The following TBC1D1 variants were observed in gnomAD, a reference collection of about 807,000 sequenced individuals.
TBC1D1 encodes the protein TBC1 domain family member 1.
A neutral mutation model predicts 125.6 loss-of-function variants in TBC1D1; 89 were observed. The ratio of observed to expected loss-of-function variants is 0.71; its 90% CI spans 0.60 to 0.85. The LOEUF (loss-of-function observed/expected upper bound fraction) is 0.85. TBC1D1 is among the 40% of genes least tolerant of loss of function. The pLI is 0.00. For missense variants in TBC1D1, 1,377 were observed against 1,469.2 expected (o/e 0.94, Z 1.03); for synonymous variants, 565 against 564.1 (o/e 1.00, Z -0.02).
chr4:37,920,640 G>A (rs1327248677), intron 2 of TBC1D1, among the ~76,000 whole-genome samples: 1 of 152,154 alleles, frequency 6.6e-6, no homozygotes, highest in East Asian at 1.9e-4. Flanking sequence ...CCATGCAGGT[G>A]GAGCATACAC....
chr4:38,133,907 C>A (rs181021085), intron 19 of TBC1D1, among the ~76,000 whole-genome samples: 2 of 152,176 alleles, frequency 1.3e-5, no homozygotes, highest in African/African-American at 2.4e-5. Flanking sequence ...GCATCACCCC[C>A]ACCCCCACAT....
chr4:38,035,165 A>G (rs1356470536), intron 7 of TBC1D1, among the ~76,000 whole-genome samples: 1 of 152,232 alleles, frequency 6.6e-6, no homozygotes, highest in East Asian at 1.9e-4. Context: ...CACGGTGAAC[A>G]CATTCGACAT....
intron 1 of TBC1D1, among the ~76,000 whole-genome samples, chr4:37,897,800 C>T (rs1249598774): frequency 6.6e-6 from 1 of 152,164 alleles, no homozygotes; most frequent in East Asian, 1.9e-4. Context: ...GAAACAGATT[C>T]TGTTACAGGA....
At chr4:37,897,107 T>C (rs1714808404) in intron 1 of TBC1D1, among the ~76,000 whole-genome samples, 1 of 152,162 alleles carries the variant, frequency 6.6e-6, no homozygotes, top group Non-Finnish European at 1.5e-5. Flanking sequence ...CCTTGGAATA[T>C]GAGGTTCTAT....
intron 16 of TBC1D1, among the ~76,000 whole-genome samples, chr4:38,116,752 T>C (rs1226046118): frequency 6.6e-6 from 1 of 152,234 alleles, no homozygotes; most frequent in Non-Finnish European, 1.5e-5. Flanking sequence ...CTCTGGATCC[T>C]GCTTCAGGAA....
intron 9 of TBC1D1, 114 bp downstream of exon 9, chr4:38,044,604 C>G (rs181943000): frequency 8.8e-7 from 1 of 1,139,614 alleles, no homozygotes; most frequent in African/African-American, 1.6e-5. Context: ...AGTATAAAAC[C>G]TTTTTTTATG....
At chr4:37,981,479 A>G (rs184062909) in intron 2 of TBC1D1, among the ~76,000 whole-genome samples, 1 of 152,256 alleles carries the variant, frequency 6.6e-6, no homozygotes, top group African/African-American at 2.4e-5. Flanking sequence ...TTTTCATGGA[A>G]TTCTAGATGG....
At chr4:37,954,769 A>G (rs1578026394) in intron 2 of TBC1D1, among the ~76,000 whole-genome samples, 1 of 148,360 alleles carries the variant, frequency 6.7e-6, no homozygotes, top group Non-Finnish European at 1.5e-5. Context: ...AGGCGGGGTG[A>G]TTCACTGAAA....
chr4:38,117,899 A>C, intron 16 of TBC1D1, 134 bp from the exon 19 acceptor site: 2 of 805,946 alleles, frequency 2.5e-6, no homozygotes, highest in South Asian at 3.3e-5. Context: ...AGCTGAGCTC[A>C]GTGGATCGCA....
At chr4:38,108,226 T>C (rs1344603) in intron 15 of TBC1D1, among the ~76,000 whole-genome samples, 115,438 of 152,054 alleles carry the variant, frequency 0.76, 44,568 homozygotes, top group African/African-American at 0.89. Flanking sequence ...GGGAAACTCC[T>C]GAGGGACCCC....
Position 38,014,939 on chromosome 4 carries a change from C to T in TBC1D1, c.848C>T (p.Thr283Ile). 1 of 1,559,232 alleles carries T rather than the reference C, an allele frequency of 6.4e-7. No individual in the cohort carries two copies. The highest frequency in any genetic ancestry group is 2.3e-5 in the East Asian group (1 of 43,948). The change falls in exon 3 of 20, where the codon ACA becomes ATA. Residue 283 changes from threonine (T) to isoleucine (I), a missense_variant. Around this residue, in one of 3 missense-constraint regions of TBC1D1, gnomAD observed 822 missense variants for 824.6 expected, o/e 1.00. Coordinates refer to ENST00000261439, the MANE Select transcript of TBC1D1 (RefSeq NM_015173.4). This position sits in a 1 kb window ranked among gnomAD's most constrained non-coding sequence, Gnocchi z 5.1. ...AGCGGACACAATATTGTGCAGCCCACAGATATCGAGGAAAATCGAACTATG... is the reference window on the plus strand; with the variant it reads ...AGCGGACACAATATTGTGCAGCCCATAGATATCGAGGAAAATCGAACTATG...
chr4:37,981,799 A>C (rs908383646), intron 2 of TBC1D1, among the ~76,000 whole-genome samples: 6 of 152,194 alleles, frequency 3.9e-5, no homozygotes, highest in Non-Finnish European at 7.3e-5. Flanking sequence ...AAGCCGTTAA[A>C]GATGTGGAAA....
Position 38,014,775 on chromosome 4 carries a change from G to A in TBC1D1, c.684G>A (p.Val228=), listed in dbSNP as rs1218148728. The A allele has an allele frequency of 6.2e-7, 1 of 1,610,752 alleles. No homozygotes were observed. Among genetic ancestry groups the A allele is most frequent in the Admixed American group, 1.7e-5 (1 of 59,866 alleles). Reference sequence around the variant, plus strand: ...CGCCCACAGGGAGCCAGGAGCCTGTGCGCAGGCCCATGCGCAAGTCCTTCT... The same window carrying A: ...CGCCCACAGGGAGCCAGGAGCCTGTACGCAGGCCCATGCGCAAGTCCTTCT... The change falls in exon 3 of 20, where the codon GTG becomes GTA. Residue 228 remains valine (V), a synonymous_variant. Transcript: ENST00000261439. This position sits in a 1 kb window ranked among gnomAD's most constrained non-coding sequence, Gnocchi z 5.1.
At position 38,059,173 on chromosome 4, in the gene TBC1D1, A is replaced by G. The variant is rs563181679; in HGVS notation, c.2050+4835A>G. On this transcript the variant is annotated intron_variant, in intron 12 of 19. Coordinates refer to ENST00000261439, the MANE Select transcript of TBC1D1 (RefSeq NM_015173.4). ...TTTAGAAATTTGCTTGCATATGTCT[A>G]GTAGCTCCAGGACAAATATTCCCAA... Among the ~76,000 whole-genome samples, 34 of 152,366 alleles carry G rather than the reference A, an allele frequency of 2.2e-4. No homozygotes were observed. In the South Asian group the frequency reaches 7.0e-3, roughly 32 times the overall value.
intron 2 of TBC1D1, among the ~76,000 whole-genome samples, chr4:37,924,157 C>T (rs568587780): frequency 6.6e-6 from 1 of 152,190 alleles, no homozygotes; most frequent in Admixed American, 6.5e-5. Flanking sequence ...TGCGCTCTAA[C>T]TGGTGTCACT....
chr4:37,990,427 C>CA (rs1736314909), intron 2 of TBC1D1, among the ~76,000 whole-genome samples: 1 of 152,124 alleles, frequency 6.6e-6, no homozygotes, highest in East Asian at 1.9e-4. Flanking sequence ...TTGGATACCC[C>CA]TGTATTAGAA....
intron 2 of TBC1D1, among the ~76,000 whole-genome samples, chr4:37,997,540 A>C (rs190240138): frequency 9.8e-4 from 150 of 152,326 alleles, no homozygotes; most frequent in African/African-American, 3.4e-3. Flanking sequence ...AACTTTGAAA[A>C]GACTAAAGTT....
At chr4:37,897,551 A>T (rs1484400282) in intron 1 of TBC1D1, among the ~76,000 whole-genome samples, 1 of 152,222 alleles carries the variant, frequency 6.6e-6, no homozygotes, top group African/African-American at 2.4e-5. Context: ...TGTCAATGAA[A>T]TGGCAGGACT....
intron 2 of TBC1D1, among the ~76,000 whole-genome samples, chr4:37,999,206 C>G (rs1578210487): frequency 6.6e-6 from 1 of 152,150 alleles, no homozygotes; most frequent in African/African-American, 2.4e-5. Context: ...GAGCTGAGAT[C>G]AAGCCACTGC....
Sources: gnomAD v4.1 joint callset for allele counts (sites outside exome capture counted in the v4.1 genomes callset) on GRCh38, gnomAD v4.1.1 for gene constraint, gnomAD v4.1.1 regional missense constraint, Gnocchi (gnomAD v3.1) non-coding constraint, MANE v1.5 for transcripts, NCBI Gene and HGNC (gene_info 2026-07-23, HGNC 2026-07-21) for gene names.